The following NIM1K variants were observed in gnomAD, a reference collection of about 807,000 sequenced individuals.
The protein encoded by NIM1K is NIM1 serine/threonine protein kinase.
Under a neutral mutation model 37.1 loss-of-function variants are expected in NIM1K, and 35 were observed. The ratio of observed to expected loss-of-function variants is 0.94; its 90% CI spans 0.72 to 1.25. The LOEUF (loss-of-function observed/expected upper bound fraction) is 1.25, where lower values mean the gene tolerates loss of function less well. Among genes scored for constraint, NIM1K ranks in the 50% most tolerant of loss-of-function variants. The probability of loss-of-function intolerance (pLI) is 0.00; values close to 1 mark genes in which losing one functional copy is unlikely to be tolerated. For synonymous variants in NIM1K, 234 were observed against 206.6 expected (o/e 1.13, Z -1.14); for missense variants, 564 against 548.0 (o/e 1.03, Z -0.29).
rs556956106 is a variant in NIM1K, at chr5:43,239,622, G to A, written c.-694-5460G>A. Among the ~76,000 whole-genome samples the A allele has an allele frequency of 8.6e-4, 130 of 152,002 alleles. 1 individual carries two copies. Among genetic ancestry groups the A allele is most frequent in the Admixed American group, 2.2e-3 (34 of 15,272 alleles). ...GCTCACTACAACCTCCGCCTCCCAG[G>A]TTCAAGTGATTCTCCTGCCTTAGCC... On this transcript the variant is annotated intron_variant, in intron 1 of 3. Coordinates refer to ENST00000326035, the MANE Select transcript of NIM1K (RefSeq NM_153361.4).
chr5:43,213,289 CCTTTTCT>C (rs1752245174), intron 1 of NIM1K, among the ~76,000 whole-genome samples: 1 of 37,816 alleles, frequency 2.6e-5, no homozygotes, highest in Non-Finnish European at 6.6e-5. Context: ...TGTTTCCTTT[CCTTTTCT>C]TTTCTTTTCT....
intron 1 of NIM1K, among the ~76,000 whole-genome samples, chr5:43,229,965 C>T (rs949667751): frequency 2.0e-5 from 3 of 151,452 alleles, no homozygotes; most frequent in East Asian, 1.9e-4. Flanking sequence ...TCTTTAAGAG[C>T]GAAGACTTCC....
Position 43,245,697 on chromosome 5 carries a change from A to C in NIM1K, c.-79A>C. 1.4e-6 allele frequency: 2 copies of C among 1,386,852 alleles called. No homozygotes were observed. The highest frequency in any genetic ancestry group is 2.0e-6 in the Non-Finnish European group (2 of 1,022,678). 85.9% of individuals were successfully genotyped at this position (1,386,852 alleles called of 1,614,324 possible). A position where few individuals can be genotyped will look rare whatever the true frequency, so the allele number is the denominator to read the frequency against. Reference sequence around the variant, plus strand: ...TGGGCACCTGCTGTCCTCAGTTGGCATCTCCCACCCTCTGAGCCTCTTCTG... The same window carrying C: ...TGGGCACCTGCTGTCCTCAGTTGGCCTCTCCCACCCTCTGAGCCTCTTCTG... On this transcript the variant is annotated 5_prime_UTR_variant, in exon 2 of 4. Coordinates refer to ENST00000326035, the MANE Select transcript of NIM1K (RefSeq NM_153361.4).
At chr5:43,248,993 T>A (rs1752827775) in intron 2 of NIM1K, among the ~76,000 whole-genome samples, 1 of 151,370 alleles carries the variant, frequency 6.6e-6, no homozygotes, top group Non-Finnish European at 1.5e-5. Flanking sequence ...TCCTGCCTCA[T>A]CCCGAGTAGC....
chr5:43,208,834 TA>T (rs748453584), intron 1 of NIM1K, among the ~76,000 whole-genome samples: 1 of 152,188 alleles, frequency 6.6e-6, no homozygotes, highest in Non-Finnish European at 1.5e-5. Flanking sequence ...GAATCCTGGG[TA>T]AACACTGACC....
At chr5:43,273,664 C>T (rs1241323599) in intron 2 of NIM1K, among the ~76,000 whole-genome samples, 1 of 152,226 alleles carries the variant, frequency 6.6e-6, no homozygotes, top group Non-Finnish European at 1.5e-5. Context: ...GGGGCCACCC[C>T]TCCTCATTCT....
intron 1 of NIM1K, among the ~76,000 whole-genome samples, chr5:43,209,530 A>G (rs1668097864): frequency 6.6e-6 from 1 of 150,968 alleles, no homozygotes; most frequent in Non-Finnish European, 1.5e-5. Flanking sequence ...TTTTTTTTCA[A>G]CCAAAAAAGG....
intron 1 of NIM1K, among the ~76,000 whole-genome samples, chr5:43,211,798 T>A (rs1048287684): frequency 1.3e-5 from 2 of 152,144 alleles, no homozygotes; most frequent in Non-Finnish European, 2.9e-5. Context: ...TGTGGTAAAA[T>A]CTACATTTTG....
At chr5:43,277,718 C>G (rs971114113) in intron 3 of NIM1K, among the ~76,000 whole-genome samples, 10 of 151,474 alleles carry the variant, frequency 6.6e-5, no homozygotes, top group African/African-American at 2.4e-4. Context: ...ATTCTAAATC[C>G]TATCCATACT....
Position 43,280,755 on chromosome 5 carries a change from C to A in NIM1K, c.*26C>A. 3 of 1,523,946 alleles carry A rather than the reference C, an allele frequency of 2.0e-6. No homozygotes were observed. Among genetic ancestry groups the A allele is most frequent in the Non-Finnish European group, 1.8e-6 (2 of 1,136,604 alleles). 94.4% of individuals were successfully genotyped at this position (1,523,946 alleles called of 1,614,324 possible). On this transcript the variant is annotated 3_prime_UTR_variant, in exon 4 of 4. Transcript: ENST00000326035. Reference sequence around the variant, plus strand: ...ATTGCACTAGACTGCTTGTAACTAACCAAGATGATTGTTGCTGCTTCTAAA... The same window carrying A: ...ATTGCACTAGACTGCTTGTAACTAAACAAGATGATTGTTGCTGCTTCTAAA...
chr5:43,274,131 G>A (rs995938541), intron 2 of NIM1K, among the ~76,000 whole-genome samples: 10 of 152,146 alleles, frequency 6.6e-5, no homozygotes, highest in African/African-American at 2.2e-4. Flanking sequence ...GAGGCACCTA[G>A]GGCAGAGGAT....
chr5:43,279,962 C>G lies in NIM1K; in HGVS notation c.562-18C>G. On this transcript the variant is annotated intron_variant, in intron 3 of 3. Coordinates refer to ENST00000326035, the MANE Select transcript of NIM1K (RefSeq NM_153361.4). ...ATTTTACTGTAAAAATGACTTTTCTCTATGTCTTCTTCCACAGCATGAAAA... is the reference window on the plus strand; with the variant it reads ...ATTTTACTGTAAAAATGACTTTTCTGTATGTCTTCTTCCACAGCATGAAAA... 1.9e-6 allele frequency: 3 copies of G among 1,590,980 alleles called. No homozygotes were observed. Among genetic ancestry groups the G allele is most frequent in the Non-Finnish European group, 2.6e-6 (3 of 1,163,584 alleles).
intron 1 of NIM1K, chr5:43,243,070 G>A (rs1032986417): frequency 6.6e-6 from 1 of 152,242 alleles, no homozygotes; most frequent in Non-Finnish European, 1.5e-5. Context: ...CCAAAGTGTT[G>A]GGATTACAGG....
chr5:43,262,672 C>T lies in NIM1K; in HGVS notation c.293-14385C>T, dbSNP rs537698255. ...GAATAGGAGTGGTGAGAGAGGGCAT[C>T]CCTGTCTTGTGTCAGTTTTCAAAGG... is the stretch of plus-strand genomic sequence containing the variant. On this transcript the variant is annotated intron_variant, in intron 2 of 3. Coordinates refer to ENST00000326035, the MANE Select transcript of NIM1K (RefSeq NM_153361.4). Among the ~76,000 whole-genome samples the T allele has an allele frequency of 1.7e-3, 261 of 152,200 alleles. 4 individuals are homozygous for T. Among genetic ancestry groups the T allele is most frequent in the African/African-American group, 6.1e-3 (252 of 41,508 alleles).
chr5:43,198,207 C>CTCTT (rs1176718462), intron 1 of NIM1K, among the ~76,000 whole-genome samples: 1,697 of 48,468 alleles, frequency 0.035, 120 homozygotes, highest in East Asian at 0.048. Context: ...TTCTTTCTTT[C>CTCTT]TCTTTCTTTC....
At chr5:43,214,433 G>T (rs1752268145) in intron 1 of NIM1K, among the ~76,000 whole-genome samples, 1 of 152,132 alleles carries the variant, frequency 6.6e-6, no homozygotes, top group Non-Finnish European at 1.5e-5. Context: ...CATTTGTGCA[G>T]AACTTTCCTT....
rs55658060 is a variant in NIM1K, at chr5:43,221,447, C to CAA, written c.-694-23615_-694-23614dup. ...GCCTGGGTGATGAGTGAGACTGTCT[C>CAA]AAAAAAAAAAAAAAAAAAAAAGAAA... On this transcript the variant is annotated intron_variant, in intron 1 of 3. Coordinates refer to ENST00000326035, the MANE Select transcript of NIM1K (RefSeq NM_153361.4). Among the ~76,000 whole-genome samples the CAA allele has an allele frequency of 2.1e-3, 257 of 123,976 alleles. 1 individual carries two copies. The highest frequency in any genetic ancestry group is 3.5e-3 in the African/African-American group (106 of 30,078). 81.3% of individuals were successfully genotyped at this position (123,976 alleles called of 152,430 possible).
At chr5:43,213,103 C>G (rs1429662179) in intron 1 of NIM1K, among the ~76,000 whole-genome samples, 1 of 152,084 alleles carries the variant, frequency 6.6e-6, no homozygotes, top group African/African-American at 2.4e-5. Context: ...ATCATTTTTT[C>G]TAAGTCCTCC....
In NIM1K at chr5:43,245,768, C is replaced by T. The variant is rs1323126449; in HGVS notation, c.-8C>T. 3.2e-6 allele frequency: 5 copies of T among 1,569,402 alleles called. No homozygotes were observed. The highest frequency in any genetic ancestry group is 2.7e-5 in the African/African-American group (2 of 74,178). On this transcript the variant is annotated 5_prime_UTR_variant, in exon 2 of 4. Transcript: ENST00000326035. ...TCGCTGAGATGGAGACGTGAGCCCCCGTGGACGATGACTGCAGTGTATATG... is the reference window on the plus strand; with the variant it reads ...TCGCTGAGATGGAGACGTGAGCCCCTGTGGACGATGACTGCAGTGTATATG...
Sources: gnomAD v4.1 joint callset for allele counts (sites outside exome capture counted in the v4.1 genomes callset) on GRCh38, gnomAD v4.1.1 for gene constraint, MANE v1.5 for transcripts, NCBI Gene and HGNC (gene_info 2026-07-23, HGNC 2026-07-21) for gene names.